OSBP2: variants seen among roughly 807,000 people sequenced by gnomAD.
The protein encoded by OSBP2 is oxysterol binding protein 2.
OSBP2 carries 66 observed loss-of-function variants against 96.0 expected under a neutral mutation model. The observed-to-expected ratio is 0.69, with a 90% CI of 0.56 to 0.84. The LOEUF (loss-of-function observed/expected upper bound fraction) is 0.84, where lower values mean the gene tolerates loss of function less well. Ranked by LOEUF, OSBP2 falls within the 40% of genes least tolerant of loss-of-function variation. The probability of loss-of-function intolerance (pLI) is 0.00; values close to 1 mark genes in which losing one functional copy is unlikely to be tolerated. For synonymous variants in OSBP2, 525 were observed against 520.9 expected (o/e 1.01, Z -0.11); for missense variants, 1,038 against 1,222.7 (o/e 0.85, Z 2.25).
chr22:30,902,124 ACGAAAAAAAAAAAACC>A (rs1242875145), intron 12 of OSBP2: 75 of 180,584 alleles, frequency 4.2e-4, no homozygotes, highest in African/African-American at 3.5e-3. Flanking sequence ...AAAAAAAAAA[ACGAAAAAAAAAAAACC>A]AAAAAAAAAA....
chr22:30,865,650 A>AAAAAAAAAAAAAC (rs2039321362), intron 2 of OSBP2, among the ~76,000 whole-genome samples: 1 of 146,184 alleles, frequency 6.8e-6, no homozygotes, highest in African/African-American at 2.4e-5. Context: ...AAAAAAAAAA[A>AAAAAAAAAAAAAC]AAAAAAGACA....
chr22:30,710,295 T>C (rs1268851397), intron 1 of OSBP2, among the ~76,000 whole-genome samples: 1 of 152,172 alleles, frequency 6.6e-6, no homozygotes, highest in African/African-American at 2.4e-5. Context: ...CTCTTTCCTG[T>C]TTTGTTTTGT....
intron 12 of OSBP2, among the ~76,000 whole-genome samples, chr22:30,903,319 TAG>T (rs2040256631): frequency 6.6e-6 from 1 of 152,192 alleles, no homozygotes; most frequent in Non-Finnish European, 1.5e-5. Context: ...GTGATGGACA[TAG>T]AGAATTGGAG....
rs190185974 is a variant in OSBP2, at chr22:30,806,846, C to T, written c.854-63583C>T. Reference sequence around the variant, plus strand: ...CCCCTGCTGGCACAGGATTGCCGTTCGCAGACTGCATTGATTTCCATTTCC... The same window carrying T: ...CCCCTGCTGGCACAGGATTGCCGTTTGCAGACTGCATTGATTTCCATTTCC... On this transcript the variant is annotated intron_variant, in intron 2 of 13. Transcript: ENST00000332585. Among the ~76,000 whole-genome samples the T allele has an allele frequency of 2.0e-5, 3 of 152,130 alleles. No homozygotes were observed. In the East Asian group the frequency reaches 5.8e-4, roughly 29 times the overall value.
intron 12 of OSBP2, among the ~76,000 whole-genome samples, chr22:30,897,375 G>A (rs1026077575): frequency 2.0e-5 from 3 of 152,082 alleles, no homozygotes; most frequent in African/African-American, 4.8e-5. Flanking sequence ...TGCTATTACC[G>A]ACTCATGGAT....
chr22:30,781,319 A>G (rs1167242783), intron 2 of OSBP2, among the ~76,000 whole-genome samples: 1 of 151,936 alleles, frequency 6.6e-6, no homozygotes, highest in Non-Finnish European at 1.5e-5. Context: ...TACACATACA[A>G]GGGAGTATGG....
intron 2 of OSBP2, among the ~76,000 whole-genome samples, chr22:30,775,138 C>G (rs974357254): frequency 1.3e-5 from 2 of 152,140 alleles, no homozygotes; most frequent in Non-Finnish European, 2.9e-5. Context: ...CTCTGACTAG[C>G]TCCAGAACGT....
chr22:30,762,308 G>A (rs2090215574), intron 2 of OSBP2, among the ~76,000 whole-genome samples: 1 of 152,176 alleles, frequency 6.6e-6, no homozygotes, highest in Non-Finnish European at 1.5e-5. Context: ...TCAGCACTTT[G>A]GGAGGCCAAG....
rs1350383245 is a variant in OSBP2, at chr22:30,695,393, C to A, written c.484C>A (p.Leu162Ile). Residue 162 changes from leucine to isoleucine, a missense_variant, in exon 1 of 14, where the codon CTT becomes ATT. This residue lies in a region of OSBP2 where 281 missense variants were observed against 273.4 expected (regional missense o/e 1.03). Coordinates refer to ENST00000332585, the MANE Select transcript of OSBP2 (RefSeq NM_030758.4). ...LLRPGQAKTP[L>I]GVPMSGTGTT... ...GCGACCAGGACAGGCGAAGACTCCT[C>A]TTGGGGTTCCAATGTCGGGGACTGG... is the stretch of plus-strand genomic sequence containing the variant. 6.2e-7 allele frequency: 1 copy of A among 1,613,922 alleles called. No homozygotes were observed. The highest frequency in any genetic ancestry group is 2.2e-5 in the East Asian group (1 of 44,876).
chr22:30,762,871 G>A (rs2090223616), intron 2 of OSBP2, among the ~76,000 whole-genome samples: 1 of 152,178 alleles, frequency 6.6e-6, no homozygotes, highest in African/African-American at 2.4e-5. Flanking sequence ...CTGAGCATGG[G>A]CTTCCTAGAG....
In OSBP2 at chr22:30,890,548, G is replaced by C. The variant is rs1282717710; in HGVS notation, c.1624-180G>C. On this transcript the variant is annotated intron_variant, in intron 7 of 13. Coordinates refer to ENST00000332585, the MANE Select transcript of OSBP2 (RefSeq NM_030758.4). This position sits in a 1 kb window ranked among gnomAD's most constrained non-coding sequence, Gnocchi z 4.4. ...AGTGGGAAGGGCTGTGGAGAAAACA[G>C]CCAGGAGGGGCCAGGGAGGTGATGG... Among the ~76,000 whole-genome samples, 12 of 152,246 alleles carry C rather than the reference G, an allele frequency of 7.9e-5. No individual in the cohort carries two copies. Among genetic ancestry groups the C allele is most frequent in the Admixed American group, 7.9e-4 (12 of 15,286 alleles).
At chr22:30,699,245 A>G (rs920638945) in intron 1 of OSBP2, among the ~76,000 whole-genome samples, 4 of 152,162 alleles carry the variant, frequency 2.6e-5, no homozygotes, top group African/African-American at 9.7e-5. Flanking sequence ...GTGCCTGGCT[A>G]TGCAGTCATC....
At chr22:30,777,534 G>A (rs2090452749) in intron 2 of OSBP2, among the ~76,000 whole-genome samples, 1 of 152,164 alleles carries the variant, frequency 6.6e-6, no homozygotes, top group Non-Finnish European at 1.5e-5. Context: ...AAGTCTCCCA[G>A]TCTTGGATAT....
Position 30,870,714 on chromosome 22 carries a change from G to A in OSBP2, c.1107+32G>A. The A allele has an allele frequency of 6.2e-7, 1 of 1,600,250 alleles. No individual in the cohort carries two copies. Among genetic ancestry groups the A allele is most frequent in the Non-Finnish European group, 8.5e-7 (1 of 1,170,710 alleles). On this transcript the variant is annotated intron_variant, in intron 3 of 13. Transcript: ENST00000332585. This position sits in a 1 kb window ranked among gnomAD's most constrained non-coding sequence, Gnocchi z 4.1. ...ACCCACCCCCACCGCCCTGGCACGG[G>A]GCTCCCTGGCTCCAGCCCCGGGGTC... is the stretch of plus-strand genomic sequence containing the variant.
intron 1 of OSBP2, 137 bp downstream of exon 1, chr22:30,695,690 T>C: frequency 6.9e-7 from 1 of 1,459,158 alleles, no homozygotes; most frequent in South Asian, 1.4e-5. Context: ...GCAGGCCAAG[T>C]CACGCTTCTG....
intron 2 of OSBP2, among the ~76,000 whole-genome samples, chr22:30,799,031 A>G (rs2090809134): frequency 6.6e-6 from 1 of 150,432 alleles, no homozygotes; most frequent in Non-Finnish European, 1.5e-5. Flanking sequence ...AAAAAAAAAG[A>G]AATTATTTGA....
chr22:30,705,513 G>A (rs1374239696), intron 1 of OSBP2, among the ~76,000 whole-genome samples: 7 of 151,914 alleles, frequency 4.6e-5, no homozygotes, highest in Non-Finnish European at 7.4e-5. Flanking sequence ...GGCTGGTCTC[G>A]AACTCCCGAC....
At chr22:30,817,242 TC>T (rs1569135991) in intron 2 of OSBP2, among the ~76,000 whole-genome samples, 1 of 152,216 alleles carries the variant, frequency 6.6e-6, no homozygotes, top group Non-Finnish European at 1.5e-5. Flanking sequence ...AGGGCTTCAT[TC>T]TTAAGATAGC....
At chr22:30,808,498 C>A (rs73154661) in intron 2 of OSBP2, among the ~76,000 whole-genome samples, 3 of 152,120 alleles carry the variant, frequency 2.0e-5, no homozygotes, top group Non-Finnish European at 4.4e-5. Context: ...TAGAGTGAGA[C>A]CCTGTCTCAA....
Sources: allele counts gnomAD v4.1 joint callset (sites outside exome capture counted in the v4.1 genomes callset), GRCh38; gene constraint gnomAD v4.1.1; regional missense constraint gnomAD v4.1.1; non-coding constraint Gnocchi (gnomAD v3.1); transcripts MANE v1.5; gene names NCBI Gene and HGNC (gene_info 2026-07-23, HGNC 2026-07-21).